CACNA1A: variants seen among roughly 807,000 people sequenced by gnomAD.
CACNA1A encodes the protein calcium voltage-gated channel subunit alpha1 A, also known as voltage-dependent P/Q-type calcium channel subunit alpha-1A.
Under a neutral mutation model 262.4 loss-of-function variants are expected in CACNA1A, and 57 were observed. The ratio of observed to expected loss-of-function variants is 0.22; its 90% CI spans 0.18 to 0.27. The LOEUF is 0.27. CACNA1A is among the 10% of genes least tolerant of loss of function. The pLI is 1.00. For missense variants in CACNA1A, 2,526 were observed against 3,562.8 expected, an observed-to-expected ratio of 0.71 and a Z score of 7.41; for synonymous variants, 1,431 against 1,419.3, an observed-to-expected ratio of 1.01 and a Z score of -0.18.
chr19:13,323,501 G>C (rs1016005932), intron 10 of CACNA1A, among the ~76,000 whole-genome samples: 4 of 151,810 alleles, frequency 2.6e-5, no homozygotes, highest in Non-Finnish European at 4.4e-5. Flanking sequence ...TCCTTCTGTC[G>C]CCCAGGGTGG....
intron 1 of CACNA1A, among the ~76,000 whole-genome samples, chr19:13,473,586 A>C (rs1978295716): frequency 6.6e-6 from 1 of 152,186 alleles, no homozygotes. Flanking sequence ...TTTTCTCCCA[A>C]ACACTTACCA....
chr19:13,340,375 T>C lies in CACNA1A; in HGVS notation c.979-4466A>G, dbSNP rs549761948. Among the ~76,000 whole-genome samples, 324 of 151,680 alleles carry C rather than the reference T, an allele frequency of 2.1e-3. 2 individuals are homozygous for C. Among genetic ancestry groups the C allele is most frequent in the African/African-American group, 7.5e-3 (312 of 41,326 alleles). On this transcript the variant is annotated intron_variant, in intron 6 of 46. Coordinates refer to ENST00000360228, the MANE Select transcript of CACNA1A (RefSeq NM_001127222.2). The stretch of plus-strand genomic sequence containing the variant: ...CTCATGAACCCCAGGAGTGGGTATA[T>C]AATTATCCCCATCCTCCCGGGTGAG...
intron 22 of CACNA1A, 112 bp from the exon 23 acceptor site, chr19:13,277,240 C>T (rs191741134): frequency 3.5e-5 from 25 of 715,566 alleles, no homozygotes; most frequent in African/African-American, 2.7e-4. Context: ...GAAGAGGAAA[C>T]ACAGCTGCTA....
At chr19:13,366,793 C>G (rs368651608) in intron 4 of CACNA1A, among the ~76,000 whole-genome samples, 3 of 152,148 alleles carry the variant, frequency 2.0e-5, no homozygotes, top group Middle Eastern at 3.4e-3. Context: ...CATAAAAGGC[C>G]GCCATATAGG....
chr19:13,495,268 A>G (rs1981362078), intron 1 of CACNA1A, among the ~76,000 whole-genome samples: 1 of 152,170 alleles, frequency 6.6e-6, no homozygotes, highest in South Asian at 2.1e-4. Context: ...CTTTCTAATT[A>G]CATAGGTAAA....
intron 10 of CACNA1A, among the ~76,000 whole-genome samples, chr19:13,329,938 T>A (rs1481981790): frequency 2.6e-5 from 4 of 152,154 alleles, no homozygotes; most frequent in Non-Finnish European, 5.9e-5. Flanking sequence ...AGGTCCCCCA[T>A]GAATACTTCC....
chr19:13,327,569 T>A (rs1357659100), intron 10 of CACNA1A, among the ~76,000 whole-genome samples: 1 of 150,922 alleles, frequency 6.6e-6, no homozygotes, highest in Non-Finnish European at 1.5e-5. Flanking sequence ...CATATATATG[T>A]ATATGCAGAT....
intron 31 of CACNA1A, among the ~76,000 whole-genome samples, chr19:13,239,352 T>C (rs1456338146): frequency 6.6e-6 from 1 of 152,212 alleles, no homozygotes; most frequent in Non-Finnish European, 1.5e-5. Flanking sequence ...GGGCCTGGAA[T>C]GCTCTGTGCA....
chr19:13,239,930 C>T (rs946592633), intron 31 of CACNA1A, among the ~76,000 whole-genome samples: 1 of 151,886 alleles, frequency 6.6e-6, no homozygotes, highest in Non-Finnish European at 1.5e-5. Flanking sequence ...GCGGGTGCAT[C>T]ACTTGAGGTC....
intron 38 of CACNA1A, among the ~76,000 whole-genome samples, chr19:13,219,618 AG>A (rs1378846142): frequency 1.3e-5 from 2 of 152,160 alleles, no homozygotes; most frequent in Admixed American, 1.3e-4. Context: ...ACACTAATCT[AG>A]GGACCATTGC....
At chr19:13,466,577 G>C (rs2061244056) in intron 1 of CACNA1A, among the ~76,000 whole-genome samples, 2 of 152,080 alleles carry the variant, frequency 1.3e-5, no homozygotes, top group African/African-American at 4.8e-5. Context: ...CTGACCTCAA[G>C]TGATCTGCCC....
intron 19 of CACNA1A, among the ~76,000 whole-genome samples, chr19:13,294,912 T>C (rs1007177661): frequency 6.6e-6 from 1 of 152,204 alleles, no homozygotes; most frequent in East Asian, 1.9e-4. Flanking sequence ...GTCTCATCAA[T>C]GCACCTTCAA....
intron 1 of CACNA1A, among the ~76,000 whole-genome samples, chr19:13,496,416 G>A (rs144598702): frequency 2.6e-5 from 4 of 152,280 alleles, no homozygotes; most frequent in African/African-American, 7.2e-5. Flanking sequence ...TTAGAGGAAG[G>A]GGAAGCTGTG....
chr19:13,488,503 GTTC>G (rs1568697813), intron 1 of CACNA1A, among the ~76,000 whole-genome samples: 1 of 141,862 alleles, frequency 7.0e-6, no homozygotes, highest in Non-Finnish European at 1.5e-5. Context: ...GGTTCAAGCA[GTTC>G]TCCTGCCTCA....
chr19:13,493,056 G>A (rs563112569), intron 1 of CACNA1A, among the ~76,000 whole-genome samples: 6 of 152,266 alleles, frequency 3.9e-5, no homozygotes, highest in South Asian at 2.1e-4. Context: ...AGGGGAGGCC[G>A]CCGCAGTTTT....
At chr19:13,503,130 C>T (rs1982584639) in intron 1 of CACNA1A, among the ~76,000 whole-genome samples, 1 of 152,136 alleles carries the variant, frequency 6.6e-6, no homozygotes, top group African/African-American at 2.4e-5. Context: ...TGCCCATCAA[C>T]AGTAGAATGG....
At chr19:13,215,902 C>T (rs1367659992) in intron 38 of CACNA1A, among the ~76,000 whole-genome samples, 1 of 152,112 alleles carries the variant, frequency 6.6e-6, no homozygotes. Flanking sequence ...GCATCCCCAA[C>T]AGAGGAAGTT....
chr19:13,382,046 T>C (rs2059532971), intron 3 of CACNA1A, among the ~76,000 whole-genome samples: 1 of 152,140 alleles, frequency 6.6e-6, no homozygotes, highest in Admixed American at 6.5e-5. Context: ...AGTTGAACGC[T>C]GATAAGCCTG....
chr19:13,305,001 G>T (rs1225603206), intron 15 of CACNA1A, among the ~76,000 whole-genome samples: 3 of 152,220 alleles, frequency 2.0e-5, no homozygotes, highest in Non-Finnish European at 2.9e-5. Context: ...ACAAGGACAC[G>T]TTTGGGGTCC....
Sources: gnomAD v4.1 joint callset for allele counts (sites outside exome capture counted in the v4.1 genomes callset) on GRCh38, gnomAD v4.1.1 for gene constraint, MANE v1.5 for transcripts, NCBI Gene and HGNC (gene_info 2026-07-23, HGNC 2026-07-21) for gene names.